The following NCEH1 variants were observed in gnomAD, a reference collection of about 807,000 sequenced individuals.
NCEH1 encodes the protein 2-acetyl MAGE hydrolase.
A neutral mutation model predicts 25.4 loss-of-function variants in NCEH1; 9 were observed. The ratio of observed to expected loss-of-function variants is 0.35; its 90% CI spans 0.21 to 0.62. The LOEUF is 0.62. Ranked by LOEUF, NCEH1 falls within the 20% of genes least tolerant of loss-of-function variation. NCEH1 has a pLI of 0.72. For synonymous variants in NCEH1, 200 were observed against 199.8 expected, an observed-to-expected ratio of 1.00 and a Z score of -0.01; for missense variants, 412 against 501.1, an observed-to-expected ratio of 0.82 and a Z score of 1.70.
chr3:172,637,441 A>G (rs1716644435), intron 3 of NCEH1, among the ~76,000 whole-genome samples: 1 of 152,174 alleles, frequency 6.6e-6, no homozygotes, highest in African/African-American at 2.4e-5. Context: ...AAAGACATTT[A>G]TTTTCCACAG....
chr3:172,706,010 C>CAAAAAAAAAAAAAA (rs35383888), intron 1 of NCEH1, among the ~76,000 whole-genome samples: 1 of 103,970 alleles, frequency 9.6e-6, no homozygotes. Flanking sequence ...CAACAACAAC[C>CAAAAAAAAAAAAAA]AAAAAAAAAA....
chr3:172,663,575 A>G (rs1447218603), intron 1 of NCEH1, among the ~76,000 whole-genome samples: 7 of 152,126 alleles, frequency 4.6e-5, no homozygotes, highest in Non-Finnish European at 8.8e-5. Flanking sequence ...AAAGTCTCCC[A>G]ATATTATTGT....
chr3:172,707,471 G>T (rs781601960), intron 1 of NCEH1, among the ~76,000 whole-genome samples: 3 of 152,174 alleles, frequency 2.0e-5, no homozygotes, highest in African/African-American at 7.2e-5. Flanking sequence ...AATATAACAC[G>T]CAGTTTAAGG....
intron 3 of NCEH1, among the ~76,000 whole-genome samples, chr3:172,638,021 G>A (rs1033475944): frequency 8.5e-5 from 13 of 152,080 alleles, no homozygotes; most frequent in African/African-American, 2.7e-4. Context: ...AGACCTGGGC[G>A]AAAGAGCAAG....
intron 1 of NCEH1, among the ~76,000 whole-genome samples, chr3:172,655,420 T>C (rs894451735): frequency 6.6e-6 from 1 of 152,202 alleles, no homozygotes; most frequent in African/African-American, 2.4e-5. Flanking sequence ...CTTGACCAGA[T>C]GCTAAGTTAT....
At chr3:172,649,266 ATGTCC>A (rs1046210698) in intron 1 of NCEH1, among the ~76,000 whole-genome samples, 2 of 152,090 alleles carry the variant, frequency 1.3e-5, no homozygotes, top group African/African-American at 2.4e-5. Flanking sequence ...ACATATATAT[ATGTCC>A]TGTCCTGTCA....
chr3:172,661,763 CCT>C (rs1300511100), intron 1 of NCEH1, among the ~76,000 whole-genome samples: 1 of 138,174 alleles, frequency 7.2e-6, no homozygotes, highest in Non-Finnish European at 1.7e-5. Flanking sequence ...TCATGATTTG[CCT>C]CTCTGTTTGT....
chr3:172,675,108 G>C (rs1236321606), intron 1 of NCEH1, among the ~76,000 whole-genome samples: 2 of 152,076 alleles, frequency 1.3e-5, no homozygotes, highest in Non-Finnish European at 2.9e-5. Flanking sequence ...TCAGGAGTTC[G>C]AGACCAGCCT....
rs66551744 is a variant in NCEH1, at chr3:172,642,603, C to CAAAAA, written c.437+3015_437+3019dup. Among the ~76,000 whole-genome samples the CAAAAA allele has an allele frequency of 1.2e-3, 103 of 83,694 alleles. 2 individuals carry two copies. The highest frequency in any genetic ancestry group is 6.9e-3 in the Middle Eastern group (1 of 144). 54.9% of individuals were successfully genotyped at this position (83,694 alleles called of 152,430 possible). On this transcript the variant is annotated intron_variant, in intron 3 of 4. Transcript: ENST00000475381. Reference sequence around the variant, plus strand: ...AAGGATTACTATCTTGCTATTTCTACAAAAAAAAAAAAAAAAAAAAAGAAA... The same window carrying CAAAAA: ...AAGGATTACTATCTTGCTATTTCTACAAAAAAAAAAAAAAAAAAAAAAAAAAGAAA...
At chr3:172,678,415 C>G (rs1188467259) in intron 1 of NCEH1, among the ~76,000 whole-genome samples, 1 of 151,594 alleles carries the variant, frequency 6.6e-6, no homozygotes, top group African/African-American at 2.4e-5. Flanking sequence ...GGAAAACACA[C>G]AATGGAGTGT....
At chr3:172,653,765 T>TTTTTG (rs1560186639) in intron 1 of NCEH1, among the ~76,000 whole-genome samples, 20 of 134,376 alleles carry the variant, frequency 1.5e-4, no homozygotes, top group East Asian at 4.4e-4. Context: ...TTTTTGTTTT[T>TTTTTG]TTTTTTTTTT....
intron 1 of NCEH1, among the ~76,000 whole-genome samples, chr3:172,681,859 T>G (rs1198127487): frequency 6.7e-6 from 1 of 149,934 alleles, no homozygotes; most frequent in East Asian, 1.9e-4. Flanking sequence ...TGTAGTGAGG[T>G]GAGATCACAC....
chr3:172,683,434 C>T (rs1712517891), intron 1 of NCEH1, among the ~76,000 whole-genome samples: 1 of 146,844 alleles, frequency 6.8e-6, no homozygotes, highest in African/African-American at 2.5e-5. Context: ...AAAAAAGAAG[C>T]GGAGGCAGGA....
rs1452215900 is a variant in NCEH1 at position 172,668,706 on chromosome 3, A to G, written c.139-20592T>C. On this transcript the variant is annotated intron_variant, in intron 1 of 4. Coordinates refer to ENST00000475381, the MANE Select transcript of NCEH1 (RefSeq NM_020792.6). ...TTCGACTTCTCATTTTGTGAGAAAAATATTTAAAGAAGTATCTGGAGAAGT... is the reference window on the plus strand; with the variant it reads ...TTCGACTTCTCATTTTGTGAGAAAAGTATTTAAAGAAGTATCTGGAGAAGT... Among the ~76,000 whole-genome samples the G allele has an allele frequency of 2.6e-5, 4 of 152,046 alleles. No homozygotes were observed. The South Asian group carries it at 8.3e-4, about 32-fold the overall frequency.
At chr3:172,688,496 AT>A (rs771347573) in intron 1 of NCEH1, among the ~76,000 whole-genome samples, 1 of 152,128 alleles carries the variant, frequency 6.6e-6, no homozygotes, top group Non-Finnish European at 1.5e-5. Flanking sequence ...GTCAGAGGTA[AT>A]TATGGTCACT....
rs779842175 is a variant in NCEH1 at position 172,711,020 on chromosome 3, G to C, written c.-36C>G. On this transcript the variant is annotated 5_prime_UTR_variant, in exon 1 of 5. Transcript: ENST00000475381. ...CTCGGCTCGCCAGCGGGCTGGCAAA[G>C]AGGAAAGGGCGATACCACCCGGAGA... 1.9e-6 allele frequency: 3 copies of C among 1,613,794 alleles called. No homozygotes were observed. The highest frequency in any genetic ancestry group is 1.1e-5 in the South Asian group (1 of 91,076).
chr3:172,671,776 T>C (rs1711649572), intron 1 of NCEH1, among the ~76,000 whole-genome samples: 2 of 152,170 alleles, frequency 1.3e-5, no homozygotes, highest in African/African-American at 4.8e-5. Flanking sequence ...ACATACTTGT[T>C]ACATATAGTC....
chr3:172,693,044 G>C (rs887507465), intron 1 of NCEH1, among the ~76,000 whole-genome samples: 1 of 152,182 alleles, frequency 6.6e-6, no homozygotes, highest in African/African-American at 2.4e-5. Context: ...ACTTACAGGG[G>C]CTTCCTCCAA....
chr3:172,634,190 T>G (rs1324402588), intron 4 of NCEH1, 98 bp from the exon 5 acceptor site: 3 of 1,153,720 alleles, frequency 2.6e-6, no homozygotes, highest in African/African-American at 1.5e-5. Context: ...TCTGAATCTG[T>G]CAATGGTATA....
Sources: gnomAD v4.1 joint callset for allele counts (sites outside exome capture counted in the v4.1 genomes callset) on GRCh38, gnomAD v4.1.1 for gene constraint, MANE v1.5 for transcripts, NCBI Gene and HGNC (gene_info 2026-07-23, HGNC 2026-07-21) for gene names.